FBLN7: variants seen among roughly 807,000 people sequenced by gnomAD.
The protein encoded by FBLN7 is fibulin 7.
In FBLN7, 31 loss-of-function variants were observed where a neutral mutation model predicts 44.0. The observed-to-expected ratio is 0.70, with a 90% confidence interval of 0.53 to 0.95. The LOEUF (loss-of-function observed/expected upper bound fraction) is 0.95. Ranked by LOEUF, FBLN7 falls within the 40% of genes least tolerant of loss-of-function variation. FBLN7 has a pLI of 0.00. For synonymous variants in FBLN7, 262 were observed against 253.4 expected (o/e 1.03, Z -0.32); for missense variants, 573 against 618.5 (o/e 0.93, Z 0.78).
intron 1 of FBLN7, among the ~76,000 whole-genome samples, chr2:112,156,031 C>T (rs1681398548): frequency 1.3e-5 from 2 of 152,208 alleles, no homozygotes; most frequent in South Asian, 2.1e-4. Flanking sequence ...CTGGCCAGCT[C>T]GTAGCGCAGG....
intron 1 of FBLN7, among the ~76,000 whole-genome samples, chr2:112,142,258 CT>C (rs1247059423): frequency 6.6e-6 from 1 of 152,172 alleles, no homozygotes; most frequent in Non-Finnish European, 1.5e-5. Context: ...CTGCAGAGGC[CT>C]TCCAGAACTC....
At chr2:112,235,289 G>T in the FBLN7 span, among the ~76,000 whole-genome samples, 1 of 152,114 alleles carries the variant, frequency 6.6e-6, no homozygotes, top group African/African-American at 2.4e-5. Context: ...TTTAAATCTT[G>T]TTTTATTTGG....
the FBLN7 span, among the ~76,000 whole-genome samples, chr2:112,243,262 C>T: frequency 1.3e-5 from 2 of 152,200 alleles, no homozygotes; most frequent in East Asian, 1.9e-4. Flanking sequence ...ATCCATTTAA[C>T]TATGCAACTG....
At position 112,185,484 on chromosome 2, in the gene FBLN7, T is replaced by C. The variant is rs555409691; in HGVS notation, c.947+145T>C. 16 of 1,145,430 alleles carry C rather than the reference T, an allele frequency of 1.4e-5. No individual in the cohort carries two copies. The East Asian group carries it at 2.1e-4, about 15-fold the overall frequency. The allele number at this position is 1,145,430 out of a possible 1,614,324, so 71.0% of individuals were successfully genotyped here. A position where few individuals can be genotyped will look rare whatever the true frequency, so the allele number is the denominator to read the frequency against. On this transcript the variant is annotated intron_variant, in intron 7 of 7. Transcript: ENST00000331203. The stretch of plus-strand genomic sequence containing the variant: ...GGCTGGGAGGCTGGTGTCTCTGAAT[T>C]TCCATTTCCGCTTAGTGGTTGCATT...
At chr2:112,202,334 G>A in the FBLN7 span, among the ~76,000 whole-genome samples, 3 of 151,820 alleles carry the variant, frequency 2.0e-5, no homozygotes, top group African/African-American at 4.8e-5. Context: ...ACTAGAAGAC[G>A]ACATGTTCAA....
rs368417016 is a variant in FBLN7 at position 112,175,761 on chromosome 2, G to A, written c.454G>A (p.Val152Ile). ...SQPCQNGGTC[V>I]EGVNQYRCIC... ...GCCTTGTCAAAATGGTGGTACATGTGTAGAAGGAGTCAACCAGTACAGATG... is the reference window on the plus strand; with the variant it reads ...GCCTTGTCAAAATGGTGGTACATGTATAGAAGGAGTCAACCAGTACAGATG... Residue 152 changes from valine (V) to isoleucine (I), a missense_variant, in exon 4 of 8, where the codon GTA becomes ATA. Transcript: ENST00000331203. 8 of 1,614,010 alleles carry A rather than the reference G, an allele frequency of 5.0e-6. No homozygotes were observed. Among genetic ancestry groups the A allele is most frequent in the Non-Finnish European group, 5.1e-6 (6 of 1,180,010 alleles).
the FBLN7 span, chr2:112,233,111 C>A: frequency 1.9e-6 from 1 of 536,106 alleles, no homozygotes; most frequent in Non-Finnish European, 3.3e-6. Flanking sequence ...TGAAAAAATC[C>A]ACGTACAATT....
intron 3 of FBLN7, among the ~76,000 whole-genome samples, chr2:112,168,312 G>C (rs1479024219): frequency 6.6e-6 from 1 of 152,216 alleles, no homozygotes; most frequent in Non-Finnish European, 1.5e-5. Context: ...ACTTGGGAAG[G>C]ACTAACTCAG....
chr2:112,189,045 G>A (rs1683395277), downstream of FBLN7: 1 of 152,186 alleles, frequency 6.6e-6, no homozygotes, highest in Admixed American at 6.5e-5. Flanking sequence ...TCACAGCTGT[G>A]GGCTAGGGAC....
At chr2:112,205,754 TGA>T in the FBLN7 span, among the ~76,000 whole-genome samples, 4 of 152,136 alleles carry the variant, frequency 2.6e-5, no homozygotes, top group African/African-American at 9.7e-5. Context: ...CCAGCTAGCA[TGA>T]GTCTTCAAAT....
the FBLN7 span, among the ~76,000 whole-genome samples, chr2:112,227,746 C>T: frequency 2.6e-5 from 4 of 151,916 alleles, no homozygotes; most frequent in Admixed American, 2.0e-4. Context: ...AGAATATGTA[C>T]GAATAAATTA....
chr2:112,140,692 C>T (rs538785449), intron 1 of FBLN7, among the ~76,000 whole-genome samples: 15 of 152,180 alleles, frequency 9.9e-5, no homozygotes, highest in Non-Finnish European at 1.9e-4. Flanking sequence ...GAGAACGTCC[C>T]CGCCCTCCAA....
intron 4 of FBLN7, among the ~76,000 whole-genome samples, chr2:112,178,629 C>T (rs1390727763): frequency 6.6e-6 from 1 of 152,188 alleles, no homozygotes; most frequent in Admixed American, 6.5e-5. Flanking sequence ...CCAAATCCAG[C>T]AGCACATGAA....
intron 2 of FBLN7, among the ~76,000 whole-genome samples, chr2:112,160,280 G>A (rs1373064640): frequency 2.0e-5 from 3 of 152,202 alleles, no homozygotes; most frequent in Admixed American, 6.5e-5. Flanking sequence ...GTGGGCCACC[G>A]CGCCGGGCCA....
the FBLN7 span, among the ~76,000 whole-genome samples, chr2:112,199,095 A>G: frequency 6.6e-6 from 1 of 152,154 alleles, no homozygotes; most frequent in Admixed American, 6.5e-5. Flanking sequence ...GGACAAACAG[A>G]AGGGAAAAAA....
chr2:112,149,398 T>C (rs1573767877), intron 1 of FBLN7, among the ~76,000 whole-genome samples: 1 of 152,198 alleles, frequency 6.6e-6, no homozygotes, highest in African/African-American at 2.4e-5. Context: ...GGAATCCTAT[T>C]TGGCACTAGA....
Position 112,187,566 on chromosome 2 carries a change from A to G in FBLN7, c.*60A>G, listed in dbSNP as rs780677259. 139 of 1,573,566 alleles carry G rather than the reference A, an allele frequency of 8.8e-5. No individual in the cohort carries two copies. The highest frequency in any genetic ancestry group is 1.1e-4 in the Non-Finnish European group (131 of 1,156,698). On this transcript the variant is annotated 3_prime_UTR_variant, in exon 8 of 8. Coordinates refer to ENST00000331203, the MANE Select transcript of FBLN7 (RefSeq NM_153214.3). This position sits in a 1 kb window ranked among gnomAD's most constrained non-coding sequence, Gnocchi z 5.1. ...CCTCATTTCTCTTCCCCGAAGGCTC[A>G]GCTTCGGGCACCGACTGCGTGGAGC...
the FBLN7 span, among the ~76,000 whole-genome samples, chr2:112,243,582 G>C: frequency 6.9e-6 from 1 of 144,972 alleles, no homozygotes; most frequent in Non-Finnish European, 1.5e-5. Flanking sequence ...ACCTCACAAA[G>C]AAGAATCCCA....
intron 3 of FBLN7, among the ~76,000 whole-genome samples, chr2:112,169,562 A>G (rs1301557463): frequency 6.6e-6 from 1 of 152,198 alleles, no homozygotes; most frequent in African/African-American, 2.4e-5. Context: ...GTGGAAAGGA[A>G]TCTTTGTCAG....
Sources: gnomAD v4.1 joint callset for allele counts (sites outside exome capture counted in the v4.1 genomes callset) on GRCh38, gnomAD v4.1.1 for gene constraint, Gnocchi (gnomAD v3.1) non-coding constraint, MANE v1.5 for transcripts, NCBI Gene and HGNC (gene_info 2026-07-23, HGNC 2026-07-21) for gene names.